Variants in PCDHA8 observed in about 807,000 individuals in gnomAD.
PCDHA8 encodes protocadherin alpha-8.
Under a neutral mutation model 61.8 loss-of-function variants are expected in PCDHA8, and 53 were observed. The observed-to-expected ratio is 0.86, with a 90% CI of 0.69 to 1.08. PCDHA8 has a LOEUF of 1.08. Ranked by LOEUF, PCDHA8 falls within the 50% of genes least tolerant of loss-of-function variation. PCDHA8 has a pLI of 0.00. For synonymous variants in PCDHA8, 618 were observed against 556.6 expected (o/e 1.11, Z -1.55); for missense variants, 1,293 against 1,245.0 (o/e 1.04, Z -0.58).
intron 1 of PCDHA8, chr5:140,852,742 T>G (rs1190690172): frequency 1.0e-6 from 1 of 984,108 alleles, no homozygotes; most frequent in African/African-American, 1.8e-5. Context: ...ATGTGCCATT[T>G]AAACTTGGAC....
intron 1 of PCDHA8, among the ~76,000 whole-genome samples, chr5:140,878,446 T>C (rs2057593210): frequency 6.6e-6 from 1 of 152,210 alleles, no homozygotes; most frequent in Admixed American, 6.5e-5. Flanking sequence ...CTATTCTTAT[T>C]TACATGAAAT....
chr5:140,871,245 G>A, intron 1 of PCDHA8: 1 of 1,613,982 alleles, frequency 6.2e-7, no homozygotes, highest in Non-Finnish European at 8.5e-7. Flanking sequence ...TACTCACGCT[G>A]CTGCTGTATA....
chr5:140,972,290 C>T (rs1331683497), intron 1 of PCDHA8, among the ~76,000 whole-genome samples: 1 of 151,820 alleles, frequency 6.6e-6, no homozygotes, highest in African/African-American at 2.4e-5. Flanking sequence ...TAGATGTGCG[C>T]CACCGTGTCT....
chr5:140,895,044 C>T (rs964599264), intron 1 of PCDHA8, among the ~76,000 whole-genome samples: 24 of 152,112 alleles, frequency 1.6e-4, no homozygotes, highest in Non-Finnish European at 2.2e-4. Flanking sequence ...CCACCCACAC[C>T]ATTCTGCTTC....
chr5:140,954,782 C>T (rs894049284), intron 1 of PCDHA8, among the ~76,000 whole-genome samples: 3 of 152,128 alleles, frequency 2.0e-5, no homozygotes, highest in Non-Finnish European at 4.4e-5. Context: ...TTAATTAGAT[C>T]TCATTTGTCA....
chr5:140,957,322 A>G (rs1356606026), intron 1 of PCDHA8, among the ~76,000 whole-genome samples: 4 of 152,202 alleles, frequency 2.6e-5, no homozygotes, highest in Admixed American at 2.0e-4. Context: ...AGGTGAGCAC[A>G]GTACAGTAAG....
intron 1 of PCDHA8, chr5:140,848,930 C>G: frequency 1.2e-6 from 2 of 1,607,642 alleles, no homozygotes; most frequent in Non-Finnish European, 1.7e-6. Flanking sequence ...TCGCGGAATC[C>G]AGGCCGCTTG....
intron 1 of PCDHA8, chr5:140,882,638 A>G (rs2059233239): frequency 5.0e-6 from 8 of 1,614,116 alleles, no homozygotes; most frequent in African/African-American, 1.3e-5. Context: ...GGTGAAGGTG[A>G]GGGACATTAA....
chr5:140,968,121 T>C (rs1554230356), intron 1 of PCDHA8: 2 of 1,614,180 alleles, frequency 1.2e-6, no homozygotes, highest in Non-Finnish European at 1.7e-6. Flanking sequence ...CTCACATCCC[T>C]GCGTACACTG....
chr5:140,869,977 T>C (rs2051552630), intron 1 of PCDHA8: 1 of 1,613,234 alleles, frequency 6.2e-7, no homozygotes, highest in Non-Finnish European at 8.5e-7. Flanking sequence ...AAGACACTTA[T>C]TTACACTAGA....
chr5:140,952,977 C>T (rs148504111), intron 1 of PCDHA8, among the ~76,000 whole-genome samples: 2 of 152,182 alleles, frequency 1.3e-5, no homozygotes, highest in East Asian at 3.9e-4. Context: ...TTTTAAACAA[C>T]AAGATCTCAT....
chr5:140,963,717 T>C (rs2095787814), intron 1 of PCDHA8, among the ~76,000 whole-genome samples: 1 of 152,256 alleles, frequency 6.6e-6, no homozygotes, highest in Admixed American at 6.5e-5. Context: ...ATGCTACATA[T>C]AGACTGCCAA....
Position 140,843,073 on chromosome 5 carries a change from T to A in PCDHA8, c.1752T>A (p.Ser584=). The change falls in exon 1 of 4, where the codon TCT becomes TCA. Residue 584 remains serine (S), a synonymous_variant. Transcript: ENST00000531613. ...GGAASKLVPR[S]VGAGHVVAKV... is the part of the protein sequence containing the mutation. Reference sequence around the variant, plus strand: ...CAGCGAGCAAGCTGGTGCCGCGGTCTGTGGGCGCGGGCCACGTGGTAGCGA... The same window carrying A: ...CAGCGAGCAAGCTGGTGCCGCGGTCAGTGGGCGCGGGCCACGTGGTAGCGA... The A allele has an allele frequency of 6.3e-7, 1 of 1,595,338 alleles. No homozygotes were observed. Among genetic ancestry groups the A allele is most frequent in the East Asian group, 2.2e-5 (1 of 44,816 alleles).
At position 140,909,620 on chromosome 5, in the gene PCDHA8, A is replaced by G. The variant is rs576090849; in HGVS notation, c.2394+65905A>G. On this transcript the variant is annotated intron_variant, in intron 1 of 3. Transcript: ENST00000531613. Reference sequence around the variant, plus strand: ...ATTTTTCTAGGTAGAGGCAGCTCTAATTGGTCTTCCTATTTTGTCTTTTCC... The same window carrying G: ...ATTTTTCTAGGTAGAGGCAGCTCTAGTTGGTCTTCCTATTTTGTCTTTTCC... Among the ~76,000 whole-genome samples the G allele has an allele frequency of 3.8e-4, 58 of 152,240 alleles. 2 individuals carry two copies. The Middle Eastern group carries it at 0.01, about 27-fold the overall frequency.
chr5:140,853,707 C>A, intron 1 of PCDHA8: 2 of 988,182 alleles, frequency 2.0e-6, no homozygotes, highest in Non-Finnish European at 2.4e-6. Context: ...AACGCATTAG[C>A]ATTAGCAGCA....
chr5:140,906,337 C>A (rs2072574983), intron 1 of PCDHA8, among the ~76,000 whole-genome samples: 1 of 152,192 alleles, frequency 6.6e-6, no homozygotes, highest in Non-Finnish European at 1.5e-5. Flanking sequence ...ATCCTTCATA[C>A]AACCAAGAAT....
At chr5:140,957,023 G>C (rs1360382480) in intron 1 of PCDHA8, among the ~76,000 whole-genome samples, 2 of 152,100 alleles carry the variant, frequency 1.3e-5, no homozygotes, top group Non-Finnish European at 2.9e-5. Flanking sequence ...TGAGCATTTA[G>C]ATATTTATGG....
chr5:140,871,533 G>T, intron 1 of PCDHA8: 1 of 1,516,446 alleles, frequency 6.6e-7, no homozygotes, highest in Non-Finnish European at 8.8e-7. Flanking sequence ...GGAAGTGTAT[G>T]TGAAATTATT....
intron 1 of PCDHA8, chr5:140,876,180 T>G (rs782772220): frequency 1.2e-6 from 2 of 1,613,982 alleles, no homozygotes; most frequent in East Asian, 4.5e-5. Flanking sequence ...TGGATGTGAA[T>G]GACAATGGTC....
Sources: gnomAD v4.1 joint callset for allele counts (sites outside exome capture counted in the v4.1 genomes callset) on GRCh38, gnomAD v4.1.1 for gene constraint, MANE v1.5 for transcripts, NCBI Gene and HGNC (gene_info 2026-07-23, HGNC 2026-07-21) for gene names.